ASB15: variants seen among roughly 807,000 people sequenced by gnomAD.
ASB15 encodes ankyrin repeat and SOCS box containing 15, also known as ankyrin repeat and SOCS box protein 15.
A neutral mutation model predicts 58.0 loss-of-function variants in ASB15; 54 were observed. The ratio of observed to expected loss-of-function variants is 0.93; its 90% confidence interval spans 0.75 to 1.17. ASB15 has a LOEUF of 1.17. ASB15 is among the 50% of genes most tolerant of loss of function. The pLI, the probability that ASB15 is intolerant of heterozygous loss-of-function variation, is 0.00. For missense variants in ASB15, 680 were observed against 707.4 expected (o/e 0.96, Z 0.44); for synonymous variants, 249 against 262.4 (o/e 0.95, Z 0.50).
chr7:123,614,794 C>G (rs886405985), intron 4 of ASB15, among the ~76,000 whole-genome samples, 185 bp downstream of exon 4: 23 of 152,294 alleles, frequency 1.5e-4, no homozygotes, highest in South Asian at 8.3e-4. Context: ...TTCCACAAAT[C>G]CTCACCTCAT....
At chr7:123,598,294 A>C (rs1056624669), upstream of ASB15, among the ~76,000 whole-genome samples, 4 of 152,168 alleles carry the variant, frequency 2.6e-5, no homozygotes, top group Non-Finnish European at 5.9e-5. Context: ...GATAACAATG[A>C]TATGAAATAA....
At chr7:123,619,727 G>C (rs982438199) in intron 7 of ASB15, among the ~76,000 whole-genome samples, 33 of 152,200 alleles carry the variant, frequency 2.2e-4, no homozygotes, top group African/African-American at 7.9e-4. Flanking sequence ...GTTTCACCGT[G>C]TTAGCCAGGA....
At chr7:123,568,352 A>C (rs1239533972) in intron 1 of ASB15, among the ~76,000 whole-genome samples, 1 of 146,054 alleles carries the variant, frequency 6.8e-6, no homozygotes, top group Non-Finnish European at 1.5e-5. Flanking sequence ...ATCTCTACTA[A>C]AAAAAAAAAA....
intron 6 of ASB15, 76 bp downstream of exon 6, chr7:123,616,571 G>A: frequency 7.0e-7 from 1 of 1,429,234 alleles, no homozygotes; most frequent in Non-Finnish European, 9.5e-7. Flanking sequence ...TGTTTTCAGT[G>A]AACATAACTA....
intron 11 of ASB15, 46 bp from the exon 12 acceptor site, chr7:123,636,763 C>T (rs1353399540): frequency 6.7e-7 from 1 of 1,495,688 alleles, no homozygotes. Flanking sequence ...AGGGGCCAAT[C>T]CACTATTTAA....
chr7:123,597,306 C>T (rs1799725751), upstream of ASB15, among the ~76,000 whole-genome samples: 1 of 152,126 alleles, frequency 6.6e-6, no homozygotes, highest in Admixed American at 6.5e-5. Flanking sequence ...GATGGTATCA[C>T]AGTGTTTGTG....
At chr7:123,600,827 C>A (rs1012917738), upstream of ASB15, among the ~76,000 whole-genome samples, 2 of 152,066 alleles carry the variant, frequency 1.3e-5, no homozygotes, top group Admixed American at 1.3e-4. Flanking sequence ...TATTTATATT[C>A]ATTAACACTG....
intron 1 of ASB15, among the ~76,000 whole-genome samples, chr7:123,590,333 C>T (rs933483437): frequency 6.6e-6 from 1 of 152,048 alleles, no homozygotes; most frequent in African/African-American, 2.4e-5. Context: ...TAATTAGATC[C>T]CATTTGTCTA....
intron 1 of ASB15, among the ~76,000 whole-genome samples, chr7:123,590,111 A>C (rs1206058270): frequency 6.6e-6 from 1 of 152,130 alleles, no homozygotes. Flanking sequence ...GGCTGCATAA[A>C]TGTCTTCTTT....
upstream of ASB15, among the ~76,000 whole-genome samples, chr7:123,601,132 G>C (rs1799862946): frequency 6.6e-6 from 1 of 152,096 alleles, no homozygotes; most frequent in South Asian, 2.1e-4. Flanking sequence ...AAGGATAGCT[G>C]TGTCAAAACA....
chr7:123,574,937 A>G (rs1799022187), intron 1 of ASB15, among the ~76,000 whole-genome samples: 1 of 142,620 alleles, frequency 7.0e-6, no homozygotes, highest in East Asian at 2.1e-4. Flanking sequence ...GGCTGTATTT[A>G]AGACACATAG....
Position 123,627,109 on chromosome 7 carries a change from G to A in ASB15, c.698-1G>A, listed in dbSNP as rs201533321. On this transcript the variant is annotated splice_acceptor_variant, in intron 8 of 11. Transcript: ENST00000451215. LOFTEE classifies it high-confidence loss of function. ...CATTATGCCACGTTTTATACTGCCA[G>A]GTGGTGATGTGCTTGCTTTGGCGGA... 6.2e-7 allele frequency: 1 copy of A among 1,612,228 alleles called. No individual in the cohort carries two copies. The highest frequency in any genetic ancestry group is 1.3e-5 in the African/African-American group (1 of 74,866).
At chr7:123,619,849 C>T (rs1801123859) in intron 7 of ASB15, 1 of 152,414 alleles carries the variant, frequency 6.6e-6, no homozygotes, top group African/African-American at 2.4e-5. Flanking sequence ...TGCCCCATGT[C>T]AGAACTTTCA....
In ASB15 at chr7:123,582,349, G is replaced by C. The variant is rs62484468; in HGVS notation, c.-443+15261G>C. ...GTTAAGACTCCACAGATGGCCTTTAGAGATTCTGACAAATAACACCACTAC... is the reference window on the plus strand; with the variant it reads ...GTTAAGACTCCACAGATGGCCTTTACAGATTCTGACAAATAACACCACTAC... On this transcript the variant is annotated intron_variant, in intron 1 of 13. Coordinates refer to the ASB15 transcript ENST00000451558. Among the ~76,000 whole-genome samples the C allele has an allele frequency of 5.1e-3, 776 of 152,052 alleles. 8 individuals carry two copies. The highest frequency in any genetic ancestry group is 8.7e-3 in the Non-Finnish European group (590 of 67,916).
chr7:123,620,535 T>C (rs1801210192), intron 7 of ASB15, among the ~76,000 whole-genome samples: 5 of 21,400 alleles, frequency 2.3e-4, no homozygotes, highest in Non-Finnish European at 5.3e-4. Flanking sequence ...TATATATATA[T>C]ATATATATAT....
chr7:123,599,906 G>A (rs555473416), upstream of ASB15, among the ~76,000 whole-genome samples: 1 of 152,204 alleles, frequency 6.6e-6, no homozygotes, highest in South Asian at 2.1e-4. Flanking sequence ...AAAACTAGAG[G>A]CACTGTTTGA....
chr7:123,611,478 A>G (rs1800458893), intron 3 of ASB15, among the ~76,000 whole-genome samples: 1 of 146,720 alleles, frequency 6.8e-6, no homozygotes, highest in Admixed American at 6.8e-5. Flanking sequence ...ATTTTTTTTT[A>G]GTAGAGACGG....
upstream of ASB15, chr7:123,598,763 G>T (rs1276378877): frequency 6.6e-6 from 1 of 152,140 alleles, no homozygotes. Context: ...ACTACCTATA[G>T]TGCTACCTTA....
intron 11 of ASB15, among the ~76,000 whole-genome samples, chr7:123,631,515 C>T (rs1467271160): frequency 6.6e-6 from 1 of 152,022 alleles, no homozygotes; most frequent in African/African-American, 2.4e-5. Flanking sequence ...ACAGTCTAGA[C>T]CCTATGCATT....
Sources: gnomAD v4.1 joint callset for allele counts (sites outside exome capture counted in the v4.1 genomes callset) on GRCh38, gnomAD v4.1.1 for gene constraint, MANE v1.5 for transcripts, NCBI Gene and HGNC (gene_info 2026-07-23, HGNC 2026-07-21) for gene names.